Variants in EHD4 observed in about 807,000 individuals in gnomAD.
The protein encoded by EHD4 is EH domain-containing protein 4.
Under a neutral mutation model 51.0 loss-of-function variants are expected in EHD4, and 37 were observed. The ratio of observed to expected loss-of-function variants is 0.73; its 90% CI spans 0.56 to 0.95. The LOEUF is 0.95. EHD4 is among the 40% of genes least tolerant of loss of function. The probability of loss-of-function intolerance (pLI) is 0.00; values close to 1 mark genes in which losing one functional copy is unlikely to be tolerated. For missense variants in EHD4, 632 were observed against 733.1 expected, an observed-to-expected ratio of 0.86 and a Z score of 1.59; for synonymous variants, 297 against 317.3, an observed-to-expected ratio of 0.94 and a Z score of 0.68.
intron 5 of EHD4, among the ~76,000 whole-genome samples, chr15:41,904,807 T>C (rs543590191): frequency 6.6e-6 from 1 of 152,376 alleles, no homozygotes; most frequent in South Asian, 2.1e-4. Flanking sequence ...GGTGCTCATC[T>C]TGTCCTGCAG....
chr15:41,919,776 G>A (rs781224141), intron 3 of EHD4, among the ~76,000 whole-genome samples, 154 bp from the exon 4 acceptor site: 25 of 152,198 alleles, frequency 1.6e-4, no homozygotes, highest in Non-Finnish European at 3.2e-4. Flanking sequence ...TGAAAATCAC[G>A]GGCTGGATGA....
chr15:41,952,671 C>G (rs1464214738), intron 2 of EHD4, among the ~76,000 whole-genome samples: 2 of 152,070 alleles, frequency 1.3e-5, no homozygotes, highest in Non-Finnish European at 2.9e-5. Context: ...ACCTCAGTGA[C>G]CCCACAACTT....
rs1289282208 is a variant in EHD4, at chr15:41,898,792, G to A, written c.*1853C>T. 3 of 152,074 alleles carry A rather than the reference G, an allele frequency of 2.0e-5. No homozygotes were observed. The highest frequency in any genetic ancestry group is 1.3e-4 in the Admixed American group (2 of 15,270). 9.4% of individuals were successfully genotyped at this position (152,074 alleles called of 1,614,324 possible). On this transcript the variant is annotated 3_prime_UTR_variant, in exon 6 of 6. Transcript: ENST00000220325. ...GCGGAGGTTGCAGTGAACTGAGATT[G>A]CGCCACTGCACTCCAGCCTGGGTGA... is the stretch of plus-strand genomic sequence containing the variant.
intron 1 of EHD4, among the ~76,000 whole-genome samples, chr15:41,954,296 G>A (rs1267421113): frequency 2.0e-5 from 3 of 152,138 alleles, no homozygotes; most frequent in African/African-American, 7.2e-5. Flanking sequence ...TATGGGCCCT[G>A]CAAGGTGTCT....
intron 1 of EHD4, among the ~76,000 whole-genome samples, chr15:41,958,109 T>C (rs980834475): frequency 1.5e-5 from 2 of 137,560 alleles, no homozygotes; most frequent in African/African-American, 5.1e-5. Flanking sequence ...ATAACAACAA[T>C]TCAAAGGAAC....
Position 41,943,054 on chromosome 15 carries a change from G to T in EHD4, c.511+13C>A. On this transcript the variant is annotated intron_variant, in intron 3 of 5. Transcript: ENST00000220325. ...CCAGCACTTGGTGGGGAGGGGCAGG[G>T]ACAGGCACTGACCTCGGCTGATGCG... is the stretch of plus-strand genomic sequence containing the variant. The T allele has an allele frequency of 1.9e-6, 3 of 1,560,540 alleles. No homozygotes were observed. The highest frequency in any genetic ancestry group is 2.6e-6 in the Non-Finnish European group (3 of 1,151,100).
chr15:41,972,278 C>T lies in EHD4; in HGVS notation c.217G>A (p.Gly73Ser). The change falls in exon 1 of 6, where the codon GGC (glycine) becomes AGC (serine). Residue 73 changes from glycine to serine, a missense_variant. Transcript: ENST00000220325. ...CGGTACCTGATGAAGGTGGTCTTGC[C>T]GGTGCTGTACTGGCCCACCAGCAGG... ...MILLVGQYSTGKTTFIRYLLE... is the reference protein window; with the variant it reads ...MILLVGQYSTSKTTFIRYLLE... 1 of 1,582,506 alleles carries T rather than the reference C, an allele frequency of 6.3e-7. No individual in the cohort carries two copies. The highest frequency in any genetic ancestry group is 8.6e-7 in the Non-Finnish European group (1 of 1,166,424).
At chr15:41,909,552 T>A (rs1300334410) in intron 5 of EHD4, 147 bp downstream of exon 5, 1 of 954,858 alleles carries the variant, frequency 1.0e-6, no homozygotes, top group East Asian at 2.4e-5. Context: ...GCTTTATTCA[T>A]AGCCTATTAT....
intron 3 of EHD4, among the ~76,000 whole-genome samples, chr15:41,927,112 C>A (rs1595536045): frequency 6.6e-6 from 1 of 152,320 alleles, no homozygotes; most frequent in Middle Eastern, 3.4e-3. Context: ...CACTTATACT[C>A]TGAAATGGTA....
intron 4 of EHD4, among the ~76,000 whole-genome samples, chr15:41,918,667 CG>C (rs2067601862): frequency 6.6e-6 from 1 of 152,144 alleles, no homozygotes; most frequent in Non-Finnish European, 1.5e-5. Flanking sequence ...AATGAGGATG[CG>C]GGGGTGACCC....
At chr15:41,920,251 G>A (rs1443224046) in intron 3 of EHD4, among the ~76,000 whole-genome samples, 1 of 152,248 alleles carries the variant, frequency 6.6e-6, no homozygotes, top group Non-Finnish European at 1.5e-5. Flanking sequence ...CAGCCATTGT[G>A]TAAAATGGTC....
chr15:41,969,800 A>G (rs1011754350), intron 1 of EHD4, among the ~76,000 whole-genome samples: 1 of 152,160 alleles, frequency 6.6e-6, no homozygotes, highest in African/African-American at 2.4e-5. Flanking sequence ...CTTTATTGCC[A>G]GTCAAAGGCA....
At chr15:41,964,316 G>A (rs1171595932) in intron 1 of EHD4, among the ~76,000 whole-genome samples, 1 of 152,106 alleles carries the variant, frequency 6.6e-6, no homozygotes, top group African/African-American at 2.4e-5. Flanking sequence ...TGTTCTGGCT[G>A]AGTGCCCCAT....
chr15:41,968,085 C>A (rs991443851), intron 1 of EHD4, among the ~76,000 whole-genome samples: 1 of 152,134 alleles, frequency 6.6e-6, no homozygotes, highest in Admixed American at 6.5e-5. Context: ...ATGAGTGGGC[C>A]GATCACTTCC....
At chr15:41,972,144 G>A (rs1180109589) in intron 1 of EHD4, 115 bp downstream of exon 1, 3 of 1,109,722 alleles carry the variant, frequency 2.7e-6, no homozygotes, top group South Asian at 8.8e-5. Context: ...AGCTCCGGGA[G>A]GGGTCCCCGA....
chr15:41,909,885 AG>A (rs1382334694), intron 4 of EHD4, 22 bp from the exon 5 acceptor site: 3 of 1,613,410 alleles, frequency 1.9e-6, no homozygotes, highest in Non-Finnish European at 2.5e-6. Flanking sequence ...TAGATCAGGC[AG>A]GGAAGTGTCA....
chr15:41,941,104 C>T (rs1595540121), intron 3 of EHD4, among the ~76,000 whole-genome samples: 1 of 151,962 alleles, frequency 6.6e-6, no homozygotes, highest in East Asian at 1.9e-4. Context: ...TAATGGTCCT[C>T]AACTGACTCT....
In EHD4 at chr15:41,909,836, T is replaced by C. The variant is rs1231805058; in HGVS notation, c.952A>G (p.Lys318Glu). ...CCAAATACACTTGGCATCTCCTTCT[T>C]CAGGTAGCTGATGATGTAGGCATGC... ...KVHAYIISYLKKEMPSVFGKE... is the reference protein window; with the variant it reads ...KVHAYIISYLEKEMPSVFGKE... The change falls in exon 5 of 6, where the codon AAG becomes GAG. Residue 318 changes from lysine to glutamate, a missense_variant. Lys to Glu is a moderately conservative substitution (Grantham distance 56). Coordinates refer to ENST00000220325, the MANE Select transcript of EHD4 (RefSeq NM_139265.4). 2 of 1,614,218 alleles carry C rather than the reference T, an allele frequency of 1.2e-6. No individual in the cohort carries two copies. Among genetic ancestry groups the C allele is most frequent in the Admixed American group, 1.7e-5 (1 of 60,024 alleles).
intron 1 of EHD4, among the ~76,000 whole-genome samples, chr15:41,955,605 T>C (rs1334722309): frequency 2.0e-5 from 3 of 152,198 alleles, no homozygotes; most frequent in African/African-American, 4.8e-5. Flanking sequence ...CGTTTCAAAA[T>C]GTGTTCAGCT....
Sources: allele counts gnomAD v4.1 joint callset (sites outside exome capture counted in the v4.1 genomes callset), GRCh38; gene constraint gnomAD v4.1.1; transcripts MANE v1.5; gene names NCBI Gene and HGNC (gene_info 2026-07-23, HGNC 2026-07-21).